The following KIF2A variants were observed in gnomAD, a reference collection of about 807,000 sequenced individuals.
The protein encoded by KIF2A is kinesin family member 2A.
In KIF2A, 22 loss-of-function variants were observed where a neutral mutation model predicts 100.2. The observed-to-expected ratio is 0.22, with a 90% CI of 0.16 to 0.31. KIF2A has a LOEUF of 0.31. KIF2A is among the 10% of genes least tolerant of loss of function. The probability of loss-of-function intolerance (pLI) is 1.00; values close to 1 mark genes in which losing one functional copy is unlikely to be tolerated. For missense variants in KIF2A, 495 were observed against 898.7 expected, an observed-to-expected ratio of 0.55 and a Z score of 5.74; for synonymous variants, 268 against 285.9, an observed-to-expected ratio of 0.94 and a Z score of 0.63.
rs1054897 is a variant in KIF2A, at chr5:62,388,133, A to C, written c.*2564A>C. On this transcript the variant is annotated 3_prime_UTR_variant, in exon 21 of 21. Transcript: ENST00000407818. ...TTAAAATAGCTTAAAACTAAGCACC[A>C]GGTATATGAAAAAGGAACTGGAAAT... The C allele has an allele frequency of 2.0e-5, 3 of 152,056 alleles. No individual in the cohort carries two copies. The highest frequency in any genetic ancestry group is 4.4e-5 in the Non-Finnish European group (3 of 68,012). 9.4% of individuals were successfully genotyped at this position (152,056 alleles called of 1,614,324 possible). A position where few individuals can be genotyped will look rare whatever the true frequency, so the allele number is the denominator to read the frequency against.
intron 9 of KIF2A, 32 bp from the exon 10 acceptor site, chr5:62,361,210 A>G: frequency 8.5e-7 from 1 of 1,173,550 alleles, no homozygotes; most frequent in Non-Finnish European, 1.2e-6. Flanking sequence ...AATATTGGTG[A>G]CACATTCTGA....
At chr5:62,353,846 T>G (rs1329949719) in intron 6 of KIF2A, among the ~76,000 whole-genome samples, 3 of 151,970 alleles carry the variant, frequency 2.0e-5, no homozygotes. Context: ...GGATCTCTAT[T>G]GTGTCCCCCT....
intron 1 of KIF2A, among the ~76,000 whole-genome samples, chr5:62,330,618 T>G (rs1362015379): frequency 6.6e-6 from 1 of 152,178 alleles, no homozygotes; most frequent in Non-Finnish European, 1.5e-5. Flanking sequence ...TAATATTTCT[T>G]TGTTCTTCTG....
intron 6 of KIF2A, among the ~76,000 whole-genome samples, chr5:62,354,430 TA>T (rs1462059581): frequency 6.6e-6 from 1 of 152,092 alleles, no homozygotes; most frequent in South Asian, 2.1e-4. Context: ...ATATGATGTA[TA>T]AAAAAATGTG....
rs1048707803 is a variant in KIF2A at position 62,389,920 on chromosome 5, T to C, written c.*4351T>C. On this transcript the variant is annotated 3_prime_UTR_variant, in exon 21 of 21. Coordinates refer to ENST00000407818, the MANE Select transcript of KIF2A (RefSeq NM_001098511.3). ...CTGAGGTTATGTTTAGGCTGGCCCA[T>C]AGAAACAGGTCCAGATAAATTTCTA... is the stretch of plus-strand genomic sequence containing the variant. Among the ~76,000 whole-genome samples the C allele has an allele frequency of 3.3e-5, 5 of 152,188 alleles. No homozygotes were observed. Among genetic ancestry groups the C allele is most frequent in the African/African-American group, 1.2e-4 (5 of 41,440 alleles).
At chr5:62,383,229 ATTTTTTTTTTTTTTT>A (rs70977902) in intron 20 of KIF2A, among the ~76,000 whole-genome samples, 5 of 39,066 alleles carry the variant, frequency 1.3e-4, no homozygotes, top group Admixed American at 4.0e-4. Flanking sequence ...GCCTGGCCAG[ATTTTTTTTTTTTTTT>A]TTTTTTTTTT....
At chr5:62,350,205 T>A in intron 4 of KIF2A, 85 bp downstream of exon 4, 10 of 706,382 alleles carry the variant, frequency 1.4e-5, no homozygotes, top group South Asian at 9.3e-5. Flanking sequence ...AACATTACCC[T>A]TGATGTTGGT....
intron 1 of KIF2A, among the ~76,000 whole-genome samples, chr5:62,341,594 G>T (rs1747298969): frequency 6.6e-6 from 1 of 152,094 alleles, no homozygotes; most frequent in Non-Finnish European, 1.5e-5. Context: ...GAGCCACTGT[G>T]CCCAGCCTCC....
chr5:62,306,329 G>A lies in KIF2A; in HGVS notation c.-144G>A. 2 of 667,306 alleles carry A rather than the reference G, an allele frequency of 3.0e-6. No homozygotes were observed. Among genetic ancestry groups the A allele is most frequent in the East Asian group, 5.9e-5 (2 of 34,020 alleles). 41.3% of individuals were successfully genotyped at this position (667,306 alleles called of 1,614,324 possible). ...TGCTTCCCCACAGCTGCTCCTTGCG[G>A]CCCCGCTTGCGTTCACGCTGTCGCC... On this transcript the variant is annotated 5_prime_UTR_variant, in exon 1 of 21. Coordinates refer to ENST00000407818, the MANE Select transcript of KIF2A (RefSeq NM_001098511.3).
intron 17 of KIF2A, among the ~76,000 whole-genome samples, chr5:62,373,062 A>G (rs1741388598): frequency 6.6e-6 from 1 of 152,024 alleles, no homozygotes; most frequent in South Asian, 2.1e-4. Context: ...GTGGTGAAAA[A>G]AAAAAAAAAT....
At chr5:62,347,317 A>G (rs1262554694) in intron 2 of KIF2A, 93 bp downstream of exon 2, 2 of 688,148 alleles carry the variant, frequency 2.9e-6, no homozygotes, top group Admixed American at 3.1e-5. Flanking sequence ...TATTTTATTT[A>G]GTGCATATAT....
intron 4 of KIF2A, among the ~76,000 whole-genome samples, chr5:62,351,500 A>G (rs904277467): frequency 6.6e-6 from 1 of 152,046 alleles, no homozygotes; most frequent in Non-Finnish European, 1.5e-5. Flanking sequence ...TTTATTTTCT[A>G]TTGTTAAGTA....
In KIF2A at chr5:62,386,827, C is replaced by T. The variant is rs1442619175; in HGVS notation, c.*1258C>T. 6.6e-6 allele frequency among the ~76,000 whole-genome samples: 1 copy of T among 152,172 alleles called. No individual in the cohort carries two copies. Among genetic ancestry groups the T allele is most frequent in the Non-Finnish European group, 1.5e-5 (1 of 68,038 alleles). ...GCACTTATTTTTACAGATTGCTACT[C>T]CAAGGAAGAAAACTGGCCACTTTTC... On this transcript the variant is annotated 3_prime_UTR_variant, in exon 21 of 21. Coordinates refer to ENST00000407818, the MANE Select transcript of KIF2A (RefSeq NM_001098511.3).
intron 1 of KIF2A, among the ~76,000 whole-genome samples, chr5:62,341,076 C>G (rs1260248722): frequency 6.6e-6 from 1 of 152,136 alleles, no homozygotes; most frequent in Non-Finnish European, 1.5e-5. Flanking sequence ...TTTCTTATTG[C>G]TGGAATTTCG....
chr5:62,307,339 GAA>G (rs1745359606), intron 1 of KIF2A: 2 of 152,074 alleles, frequency 1.3e-5, no homozygotes, highest in Admixed American at 1.3e-4. Context: ...AGGTAACTGA[GAA>G]AAGTGTAAGG....
chr5:62,360,857 T>C (rs1748372028), intron 9 of KIF2A, among the ~76,000 whole-genome samples: 1 of 152,224 alleles, frequency 6.6e-6, no homozygotes, highest in South Asian at 2.1e-4. Context: ...TCTATTTATT[T>C]AGATGGTCTA....
chr5:62,365,694 C>G (rs1239183207), intron 15 of KIF2A, among the ~76,000 whole-genome samples: 1 of 151,990 alleles, frequency 6.6e-6, no homozygotes, highest in African/African-American at 2.4e-5. Flanking sequence ...TATGAATGAA[C>G]ATAGAGACTG....
At chr5:62,339,462 C>G (rs1445585738) in intron 1 of KIF2A, among the ~76,000 whole-genome samples, 1 of 137,596 alleles carries the variant, frequency 7.3e-6, no homozygotes, top group African/African-American at 2.7e-5. Context: ...CACACAGCCA[C>G]TATCGATAGG....
intron 1 of KIF2A, among the ~76,000 whole-genome samples, chr5:62,336,964 C>T (rs1746986563): frequency 6.6e-6 from 1 of 152,122 alleles, no homozygotes; most frequent in African/African-American, 2.4e-5. Flanking sequence ...CAGATATGAA[C>T]TTGATGCCAA....
Sources: allele counts gnomAD v4.1 joint callset (sites outside exome capture counted in the v4.1 genomes callset), GRCh38; gene constraint gnomAD v4.1.1; transcripts MANE v1.5; gene names NCBI Gene and HGNC (gene_info 2026-07-23, HGNC 2026-07-21).